Variants in TRHDE observed in about 807,000 individuals in gnomAD.
TRHDE encodes the protein thyrotropin releasing hormone degrading enzyme.
TRHDE carries 72 observed loss-of-function variants against 125.7 expected under a neutral mutation model. The observed-to-expected ratio is 0.57, with a 90% CI of 0.47 to 0.70. The LOEUF (loss-of-function observed/expected upper bound fraction) is 0.70. TRHDE is among the 30% of genes least tolerant of loss of function. The probability of loss-of-function intolerance (pLI) is 0.00; values close to 1 mark genes in which losing one functional copy is unlikely to be tolerated. For synonymous variants in TRHDE, 509 were observed against 509.1 expected (o/e 1.00, Z 0.00); for missense variants, 1,110 against 1,327.1 (o/e 0.84, Z 2.54).
chr12:72,456,686 A>G (rs1030679379), intron 3 of TRHDE, among the ~76,000 whole-genome samples: 1 of 151,988 alleles, frequency 6.6e-6, no homozygotes. Flanking sequence ...CATTTTTATG[A>G]TTAGTACAAA....
rs1477634910 is a variant in TRHDE, at chr12:72,430,386, T to TAC, written c.1316-39371_1316-39370insCA. On this transcript the variant is annotated intron_variant, in intron 3 of 18. Coordinates refer to ENST00000261180, the MANE Select transcript of TRHDE (RefSeq NM_013381.3). ...ACATATATACGTATATATACATGTA[T>TAC]ATATATACACACACGTATATATATG... 6.0e-4 allele frequency among the ~76,000 whole-genome samples: 86 copies of TAC among 143,190 alleles called. 1 individual carries two copies. The highest frequency in any genetic ancestry group is 2.2e-3 in the African/African-American group (85 of 38,376). The allele number at this position is 143,190 out of a possible 152,430, so 93.9% of individuals were successfully genotyped here. A position where few individuals can be genotyped will look rare whatever the true frequency, so the allele number is the denominator to read the frequency against.
At chr12:72,236,679 T>C (rs940984515) in intron 2 of TRHDE, among the ~76,000 whole-genome samples, 12 of 152,126 alleles carry the variant, frequency 7.9e-5, no homozygotes, top group African/African-American at 2.9e-4. Flanking sequence ...AAAAAACCCA[T>C]AAAACAAAAC....
rs1555170270 is a variant in TRHDE at position 72,238,315 on chromosome 12, T to TATAC, written n.279+132566_279+132567insCATA. ...ATATATATATATATATATATATATA[T>TATAC]ATATATACATATATATATACACATT... On this transcript the variant is annotated intron_variant and non_coding_transcript_variant, in intron 2 of 4. Transcript: ENST00000548156. Among the ~76,000 whole-genome samples the TATAC allele has an allele frequency of 1.2e-4, 4 of 32,022 alleles. 1 individual carries two copies. Among genetic ancestry groups the TATAC allele is most frequent in the African/African-American group, 3.6e-4 (3 of 8,290 alleles). 21.0% of individuals were successfully genotyped at this position (32,022 alleles called of 152,430 possible).
chr12:72,270,692 T>A (rs1334565448), upstream of TRHDE, among the ~76,000 whole-genome samples: 1 of 152,252 alleles, frequency 6.6e-6, no homozygotes, highest in East Asian at 1.9e-4. Flanking sequence ...CACTTTGTTT[T>A]ACTAAACACT....
intron 3 of TRHDE, among the ~76,000 whole-genome samples, chr12:72,414,620 G>A (rs1873653954): frequency 6.6e-6 from 1 of 152,092 alleles, no homozygotes; most frequent in Non-Finnish European, 1.5e-5. Flanking sequence ...CATCTTGGCA[G>A]TAAGGCTATT....
intron 2 of TRHDE, among the ~76,000 whole-genome samples, chr12:72,213,823 C>T (rs955297393): frequency 1.2e-4 from 18 of 151,982 alleles, no homozygotes; most frequent in Non-Finnish European, 7.4e-5. Flanking sequence ...ATGGTACAAC[C>T]CATATCACAT....
intron 1 of TRHDE, among the ~76,000 whole-genome samples, chr12:72,282,714 C>G (rs766142179): frequency 6.6e-6 from 1 of 152,196 alleles, no homozygotes; most frequent in South Asian, 2.1e-4. Context: ...GTAGTCAACT[C>G]ACTCATTTCT....
At chr12:72,114,206 A>G (rs967322343) in intron 2 of TRHDE, among the ~76,000 whole-genome samples, 6 of 149,142 alleles carry the variant, frequency 4.0e-5, no homozygotes, top group Non-Finnish European at 7.4e-5. Context: ...ACTCTGTCAA[A>G]CATTCCTGTC....
At chr12:72,200,762 A>G (rs1383002264) in intron 2 of TRHDE, among the ~76,000 whole-genome samples, 1 of 152,194 alleles carries the variant, frequency 6.6e-6, no homozygotes, top group Non-Finnish European at 1.5e-5. Context: ...CCATTTGTAC[A>G]GCTTGTCCTG....
chr12:72,235,598 C>T (rs990066194), intron 2 of TRHDE, among the ~76,000 whole-genome samples: 3 of 152,164 alleles, frequency 2.0e-5, no homozygotes, highest in African/African-American at 4.8e-5. Flanking sequence ...ATGGTTTGGC[C>T]AATCTATGAA....
intron 6 of TRHDE, among the ~76,000 whole-genome samples, chr12:72,530,307 T>C (rs1868478030): frequency 6.6e-6 from 1 of 151,980 alleles, no homozygotes; most frequent in African/African-American, 2.4e-5. Flanking sequence ...CAAAAATTAA[T>C]TCCATGTTGC....
intron 2 of TRHDE, among the ~76,000 whole-genome samples, chr12:72,168,495 G>T (rs915445531): frequency 6.6e-6 from 1 of 152,170 alleles, no homozygotes; most frequent in Non-Finnish European, 1.5e-5. Context: ...TGATTCAGTA[G>T]GTTCTTGCAG....
At chr12:72,614,332 T>A (rs867365835) in intron 12 of TRHDE, among the ~76,000 whole-genome samples, 89 of 66,412 alleles carry the variant, frequency 1.3e-3, no homozygotes, top group African/African-American at 7.2e-3. Context: ...ATATATATAT[T>A]TTTTTTTTCT....
chr12:72,151,661 C>G (rs1401066534), intron 2 of TRHDE, among the ~76,000 whole-genome samples: 1 of 152,046 alleles, frequency 6.6e-6, no homozygotes, highest in Non-Finnish European at 1.5e-5. Context: ...GAATCCTTTC[C>G]CCATTGCTTG....
At chr12:72,205,578 T>C (rs1200690692) in intron 2 of TRHDE, among the ~76,000 whole-genome samples, 2 of 152,202 alleles carry the variant, frequency 1.3e-5, no homozygotes, top group African/African-American at 2.4e-5. Context: ...TTGATTACTT[T>C]AGATATCCCA....
intron 3 of TRHDE, among the ~76,000 whole-genome samples, chr12:72,454,118 C>G (rs574231112): frequency 6.6e-6 from 1 of 151,722 alleles, no homozygotes; most frequent in Non-Finnish European, 1.5e-5. Flanking sequence ...GGCACATATG[C>G]GTGTAGAGTG....
At chr12:72,447,628 C>T (rs1473964559) in intron 3 of TRHDE, among the ~76,000 whole-genome samples, 4 of 152,026 alleles carry the variant, frequency 2.6e-5, no homozygotes, top group Non-Finnish European at 5.9e-5. Flanking sequence ...ATTTGAGAAC[C>T]ACCATCCTAG....
chr12:72,615,455 C>T (rs1872778501), intron 12 of TRHDE, among the ~76,000 whole-genome samples: 1 of 152,104 alleles, frequency 6.6e-6, no homozygotes, highest in African/African-American at 2.4e-5. Flanking sequence ...GTAGTAATCA[C>T]AGATATCATT....
intron 1 of TRHDE, chr12:72,274,850 T>A (rs1192080798): frequency 6.6e-6 from 1 of 152,258 alleles, no homozygotes; most frequent in African/African-American, 2.4e-5. Context: ...GTATCCACCA[T>A]AAATGCTAGC....
Sources: gnomAD v4.1 joint callset for allele counts (sites outside exome capture counted in the v4.1 genomes callset) on GRCh38, gnomAD v4.1.1 for gene constraint, MANE v1.5 for transcripts, NCBI Gene and HGNC (gene_info 2026-07-23, HGNC 2026-07-21) for gene names.